Variants in ABCG1 observed in about 807,000 individuals in gnomAD.
The protein encoded by ABCG1 is ATP-binding cassette sub-family G member 1.
In ABCG1, 29 loss-of-function variants were observed where a neutral mutation model predicts 69.2. The observed-to-expected ratio is 0.42, with a 90% CI of 0.31 to 0.57. The LOEUF (loss-of-function observed/expected upper bound fraction) is 0.57, where lower values mean the gene tolerates loss of function less well. Among genes scored for constraint, ABCG1 ranks in the 20% least tolerant of loss-of-function variants. The pLI is 0.15. For missense variants in ABCG1, 718 were observed against 898.1 expected (o/e 0.80, Z 2.56); for synonymous variants, 370 against 374.8 (o/e 0.99, Z 0.15).
At chr21:42,245,122 G>A (rs1288184159) in intron 2 of ABCG1, among the ~76,000 whole-genome samples, 1 of 152,192 alleles carries the variant, frequency 6.6e-6, no homozygotes, top group Non-Finnish European at 1.5e-5. Flanking sequence ...TGTTCCCTGG[G>A]CTGCCTGGAG....
At chr21:42,294,408 C>G (rs2069162710) in intron 13 of ABCG1, 134 bp from the exon 14 acceptor site, 2 of 725,484 alleles carry the variant, frequency 2.8e-6, no homozygotes, top group Non-Finnish European at 5.0e-6. Flanking sequence ...CCTTCTGCCA[C>G]ATTAAGCATC....
chr21:42,281,932 G>A (rs916756483), intron 5 of ABCG1, among the ~76,000 whole-genome samples: 12 of 152,248 alleles, frequency 7.9e-5, no homozygotes, highest in African/African-American at 2.7e-4. Flanking sequence ...CACTGGGCTA[G>A]GCTTAGCAGT....
At chr21:42,277,011 C>T in intron 5 of ABCG1, 66 bp downstream of exon 5, 2 of 1,549,724 alleles carry the variant, frequency 1.3e-6, no homozygotes, top group Non-Finnish European at 1.8e-6. Context: ...GGAAGGTGTG[C>T]CTGCCGGGGC....
At chr21:42,251,144 C>T (rs1193833779) in intron 2 of ABCG1, among the ~76,000 whole-genome samples, 1 of 152,146 alleles carries the variant, frequency 6.6e-6, no homozygotes, top group African/African-American at 2.4e-5. Flanking sequence ...GGGATTCAGA[C>T]CTGACTAGTT....
chr21:42,291,755 C>T lies in ABCG1; in HGVS notation c.1653+99C>T. On this transcript the variant is annotated intron_variant, in intron 13 of 14. Coordinates refer to ENST00000398449, the MANE Select transcript of ABCG1 (RefSeq NM_016818.3). The surrounding 1 kb of genome is among the most constrained non-coding windows in gnomAD (Gnocchi z 6.4). Reference sequence around the variant, plus strand: ...GGCTCTGCCACCCCTTCCCCTACTTCTGCCCTGACCCTCCTAGATGGGGTC... The same window carrying T: ...GGCTCTGCCACCCCTTCCCCTACTTTTGCCCTGACCCTCCTAGATGGGGTC... The T allele has an allele frequency of 1.5e-6, 2 of 1,351,746 alleles. No individual in the cohort carries two copies. The allele number at this position is 1,351,746 out of a possible 1,614,324, so 83.7% of individuals were successfully genotyped here.
At chr21:42,250,521 A>T (rs2068202995) in intron 2 of ABCG1, among the ~76,000 whole-genome samples, 1 of 152,154 alleles carries the variant, frequency 6.6e-6, no homozygotes, top group African/African-American at 2.4e-5. Context: ...GCCTGTTGGA[A>T]GAGAGCCCTG....
chr21:42,281,042 C>T (rs1226350176), intron 5 of ABCG1, among the ~76,000 whole-genome samples: 1 of 152,242 alleles, frequency 6.6e-6, no homozygotes, highest in East Asian at 1.9e-4. Context: ...GAGCCCAGGT[C>T]GGCTGACCCT....
intron 4 of ABCG1, among the ~76,000 whole-genome samples, chr21:42,274,291 A>G (rs7283123): frequency 0.047 from 7,118 of 152,262 alleles, 434 homozygotes; most frequent in African/African-American, 0.14. Context: ...GCCTCCCCAC[A>G]GTATCTTCAC....
In ABCG1 at chr21:42,265,183, T is replaced by C. The variant is rs1005220648; in HGVS notation, c.287-5887T>C. 2.6e-5 allele frequency among the ~76,000 whole-genome samples: 4 copies of C among 152,174 alleles called. No homozygotes were observed. In the East Asian group the frequency reaches 7.7e-4, roughly 29 times the overall value. ...CAGAGTGCTCAGGCCCTCACGTCCC[T>C]CATTCCTGCACCCACAGGTCAGTTT... On this transcript the variant is annotated intron_variant, in intron 2 of 14. Transcript: ENST00000398449.
At chr21:42,217,690 T>TC (rs1212700579), upstream of ABCG1, among the ~76,000 whole-genome samples, 25 of 105,944 alleles carry the variant, frequency 2.4e-4, no homozygotes, top group African/African-American at 8.0e-4. Context: ...TTTTTTTTTT[T>TC]TTTTTTTTTT....
In ABCG1 at chr21:42,262,456, G is replaced by A. The variant is rs2068430094; in HGVS notation, c.287-8614G>A. On this transcript the variant is annotated intron_variant, in intron 2 of 14. Coordinates refer to ENST00000398449, the MANE Select transcript of ABCG1 (RefSeq NM_016818.3). ...CTGCCAGCTACCCTGCCCACACCTG[G>A]GTGGTATTCTTAGCCTTAGGTGACC... 1.3e-5 allele frequency among the ~76,000 whole-genome samples: 2 copies of A among 152,208 alleles called. 1 individual carries two copies. Among genetic ancestry groups the A allele is most frequent in the South Asian group, 4.1e-4 (2 of 4,830 alleles).
chr21:42,278,029 T>C (rs1320335345), intron 5 of ABCG1, among the ~76,000 whole-genome samples: 2 of 152,186 alleles, frequency 1.3e-5, no homozygotes, highest in African/African-American at 2.4e-5. Flanking sequence ...AAATGCCCGG[T>C]GCAGGTGGAA....
intron 2 of ABCG1, among the ~76,000 whole-genome samples, chr21:42,265,472 T>C (rs1370481069): frequency 6.6e-6 from 1 of 152,084 alleles, no homozygotes; most frequent in African/African-American, 2.4e-5. Context: ...GAGTCACAGA[T>C]ACACAGGGGA....
chr21:42,295,811 G>A (rs2069197527), intron 14 of ABCG1, among the ~76,000 whole-genome samples: 1 of 152,210 alleles, frequency 6.6e-6, no homozygotes, highest in Non-Finnish European at 1.5e-5. Flanking sequence ...TCAAGTCCTT[G>A]CAAGTTGGCT....
chr21:42,288,000 A>T lies in ABCG1; in HGVS notation c.1085A>T (p.Glu362Val). 6.2e-7 allele frequency: 1 copy of T among 1,613,070 alleles called. No homozygotes were observed. Among genetic ancestry groups the T allele is most frequent in the Non-Finnish European group, 8.5e-7 (1 of 1,179,402 alleles). ...AAGAGAGACCTCGGGGGTGATGCCGAGGTGAACCCTTTTCTTTGGCACCGG... is the reference window on the plus strand; with the variant it reads ...AAGAGAGACCTCGGGGGTGATGCCGTGGTGAACCCTTTTCTTTGGCACCGG... ...DHKRDLGGDAEVNPFLWHRPS... is the reference protein window; with the variant it reads ...DHKRDLGGDAVVNPFLWHRPS... The change falls in exon 9 of 15, where the codon GAG becomes GTG. Residue 362 changes from glutamate (E) to valine (V), a missense_variant. Glu to Val is a moderately radical substitution (Grantham distance 121, BLOSUM62 -2). Coordinates refer to ENST00000398449, the MANE Select transcript of ABCG1 (RefSeq NM_016818.3). The surrounding 1 kb of genome is among the most constrained non-coding windows in gnomAD (Gnocchi z 6.2).
At chr21:42,219,132 T>G (rs2067677968), upstream of ABCG1, 10 of 867,028 alleles carry the variant, frequency 1.2e-5, no homozygotes, top group South Asian at 4.2e-4. The surrounding 1 kb of genome is among the most constrained non-coding windows in gnomAD (Gnocchi z 5.3). Flanking sequence ...CGGAGCCGGA[T>G]CCCAGCCGGA....
upstream of ABCG1, chr21:42,219,090 C>A: frequency 2.1e-6 from 1 of 472,868 alleles, no homozygotes; most frequent in Admixed American, 5.2e-5. The surrounding 1 kb of genome is among the most constrained non-coding windows in gnomAD (Gnocchi z 5.3). Flanking sequence ...ATCGCGCGCT[C>A]GGGGCGGGGT....
chr21:42,291,622 G>A lies in ABCG1; in HGVS notation c.1619G>A (p.Gly540Asp). The A allele has an allele frequency of 6.2e-7, 1 of 1,607,746 alleles. No homozygotes were observed. Among genetic ancestry groups the A allele is most frequent in the Non-Finnish European group, 8.5e-7 (1 of 1,179,738 alleles). Residue 540 changes from glycine (G) to aspartate (D), a missense_variant, in exon 13 of 15, where the codon GGC becomes GAC. Coordinates refer to ENST00000398449, the MANE Select transcript of ABCG1 (RefSeq NM_016818.3). The surrounding 1 kb of genome is among the most constrained non-coding windows in gnomAD (Gnocchi z 6.4). ...ACCTCCCTGGTGGCACAGTCCCTGG[G>A]CCTGCTGATCGGAGCCGCCTCCACG... is the stretch of plus-strand genomic sequence containing the variant. ...TMTSLVAQSL[G>D]LLIGAASTSL... is the part of the protein sequence containing the mutation.
chr21:42,220,860 G>A (rs1233973318), intron 1 of ABCG1, among the ~76,000 whole-genome samples: 1 of 152,232 alleles, frequency 6.6e-6, no homozygotes, highest in East Asian at 1.9e-4. Flanking sequence ...GAAAGTTATA[G>A]ATCTTGTATT....
Sources: allele counts gnomAD v4.1 joint callset (sites outside exome capture counted in the v4.1 genomes callset), GRCh38; gene constraint gnomAD v4.1.1; non-coding constraint Gnocchi (gnomAD v3.1); transcripts MANE v1.5; gene names NCBI Gene and HGNC (gene_info 2026-07-23, HGNC 2026-07-21).